PIP5K1B: variants seen among roughly 807,000 people sequenced by gnomAD.
The protein encoded by PIP5K1B is phosphatidylinositol-4-phosphate 5-kinase type 1 beta, also known as phosphatidylinositol 4-phosphate 5-kinase type-1 beta.
Under a neutral mutation model 67.0 loss-of-function variants are expected in PIP5K1B, and 42 were observed. The ratio of observed to expected loss-of-function variants is 0.63; its 90% CI spans 0.49 to 0.81. The LOEUF is 0.81. PIP5K1B is among the 30% of genes least tolerant of loss of function. The probability of loss-of-function intolerance (pLI) is 0.00; values close to 1 mark genes in which losing one functional copy is unlikely to be tolerated. For missense variants in PIP5K1B, 459 were observed against 646.3 expected (o/e 0.71, Z 3.14); for synonymous variants, 214 against 231.4 (o/e 0.92, Z 0.68).
chr9:68,961,103 G>A (rs951689966), intron 14 of PIP5K1B, among the ~76,000 whole-genome samples: 12 of 151,988 alleles, frequency 7.9e-5, no homozygotes, highest in African/African-American at 2.9e-4. Flanking sequence ...CCAGCTACTC[G>A]GGAGGCTGAG....
intron 2 of PIP5K1B, among the ~76,000 whole-genome samples, chr9:68,746,049 A>G (rs1345945065): frequency 6.8e-6 from 1 of 147,986 alleles, no homozygotes; most frequent in African/African-American, 2.5e-5. Flanking sequence ...TTCTTTCCCC[A>G]CATGTCTCTC....
chr9:68,968,101 A>G (rs1384757684), intron 14 of PIP5K1B, among the ~76,000 whole-genome samples: 1 of 152,174 alleles, frequency 6.6e-6, no homozygotes, highest in African/African-American at 2.4e-5. Flanking sequence ...TGTTAGTATA[A>G]CCTTGGGCAT....
intron 2 of PIP5K1B, among the ~76,000 whole-genome samples, chr9:68,750,166 A>G (rs1296445103): frequency 1.3e-5 from 2 of 152,232 alleles, no homozygotes; most frequent in African/African-American, 2.4e-5. Context: ...ACTGTTTTCC[A>G]TAGTTTCTGT....
intron 5 of PIP5K1B, among the ~76,000 whole-genome samples, chr9:68,871,186 G>A (rs1823611585): frequency 6.6e-6 from 1 of 152,228 alleles, no homozygotes; most frequent in South Asian, 2.1e-4. Context: ...TGGTGTGAAG[G>A]CCTCATGTGG....
intron 6 of PIP5K1B, among the ~76,000 whole-genome samples, chr9:68,887,982 T>C (rs1317176787): frequency 2.1e-5 from 3 of 146,000 alleles, no homozygotes. Flanking sequence ...ATCCAGCCTT[T>C]TTTTTTTTTT....
At chr9:68,784,180 C>T (rs182089968) in intron 2 of PIP5K1B, 4 of 167,194 alleles carry the variant, frequency 2.4e-5, no homozygotes, top group East Asian at 3.8e-4. Flanking sequence ...TTGTTCATAA[C>T]GTCCATCATT....
At chr9:68,735,818 A>G (rs1481293284) in intron 1 of PIP5K1B, among the ~76,000 whole-genome samples, 1 of 152,188 alleles carries the variant, frequency 6.6e-6, no homozygotes, top group Non-Finnish European at 1.5e-5. Context: ...AGAAAGCCCC[A>G]TTGCTAAGGT....
intron 4 of PIP5K1B, among the ~76,000 whole-genome samples, chr9:68,844,618 ATCTAATGGGGGAG>A (rs1822093034): frequency 1.3e-5 from 1 of 78,910 alleles, no homozygotes; most frequent in Non-Finnish European, 3.1e-5. Context: ...AATGGGGGAG[ATCTAATGGGGGAG>A]AGCCAAAGGT....
intron 1 of PIP5K1B, chr9:68,739,886 G>A (rs1022822159): frequency 1.3e-5 from 2 of 152,304 alleles, no homozygotes; most frequent in African/African-American, 4.8e-5. Context: ...CTGTCTGCCA[G>A]CCACAGGTAC....
At chr9:68,956,042 T>C (rs982388987) in intron 14 of PIP5K1B, among the ~76,000 whole-genome samples, 1 of 152,218 alleles carries the variant, frequency 6.6e-6, no homozygotes, top group Non-Finnish European at 1.5e-5. Flanking sequence ...GGTCATTGTG[T>C]ACCCAAACCT....
intron 7 of PIP5K1B, among the ~76,000 whole-genome samples, chr9:68,892,708 A>G (rs765849902): frequency 3.9e-5 from 6 of 152,244 alleles, no homozygotes; most frequent in Non-Finnish European, 8.8e-5. Flanking sequence ...TTTGTTAAAC[A>G]AAAAGCAAAA....
At chr9:68,827,218 T>C (rs542142713) in intron 4 of PIP5K1B, among the ~76,000 whole-genome samples, 17 of 152,144 alleles carry the variant, frequency 1.1e-4, no homozygotes, top group Non-Finnish European at 1.3e-4. Flanking sequence ...CTGGGGAAAG[T>C]AGTAGGCAGT....
chr9:68,857,192 T>G (rs1392034981), intron 4 of PIP5K1B, among the ~76,000 whole-genome samples: 1 of 152,242 alleles, frequency 6.6e-6, no homozygotes, highest in African/African-American at 2.4e-5. Context: ...TTAGGACTTC[T>G]GACCTCCAGA....
rs567158226 is a variant in PIP5K1B, at chr9:68,948,978, A to G, written c.1502+8188A>G. ...TTTTTTGAGGAATTCATGTGAGATA[A>G]TATTTCTGGGTACTTTTTGTGTGTT... is the stretch of plus-strand genomic sequence containing the variant. On this transcript the variant is annotated intron_variant, in intron 14 of 15. Coordinates refer to ENST00000265382, the MANE Select transcript of PIP5K1B (RefSeq NM_003558.4). Among the ~76,000 whole-genome samples the G allele has an allele frequency of 2.0e-5, 3 of 152,292 alleles. No individual in the cohort carries two copies. The South Asian group carries it at 6.2e-4, about 32-fold the overall frequency.
intron 14 of PIP5K1B, among the ~76,000 whole-genome samples, chr9:68,964,587 T>C (rs146588622): frequency 2.8e-4 from 42 of 152,314 alleles, no homozygotes; most frequent in African/African-American, 9.1e-4. Context: ...AGGCTGAGAA[T>C]TCTTCTCCCC....
intron 2 of PIP5K1B, among the ~76,000 whole-genome samples, chr9:68,812,078 G>T (rs1472528868): frequency 1.3e-5 from 2 of 152,196 alleles, no homozygotes; most frequent in Non-Finnish European, 2.9e-5. Context: ...ATGGTTGCTA[G>T]GTTCATTCAC....
intron 10 of PIP5K1B, 47 bp downstream of exon 10, chr9:68,919,609 C>A: frequency 7.1e-7 from 1 of 1,405,984 alleles, no homozygotes; most frequent in Non-Finnish European, 1.0e-6. Context: ...AATCAATCTA[C>A]AAAAGGTTCT....
At chr9:68,841,093 CT>C in intron 4 of PIP5K1B, among the ~76,000 whole-genome samples, 1 of 152,226 alleles carries the variant, frequency 6.6e-6, no homozygotes, top group South Asian at 2.1e-4. Flanking sequence ...TACTTCACTC[CT>C]TCCATAAAAT....
At chr9:68,998,860 G>A (rs1830699501) in intron 15 of PIP5K1B, among the ~76,000 whole-genome samples, 1 of 152,184 alleles carries the variant, frequency 6.6e-6, no homozygotes, top group African/African-American at 2.4e-5. Flanking sequence ...GTGATGAATG[G>A]CACGAGTAGG....
Sources: allele counts gnomAD v4.1 joint callset (sites outside exome capture counted in the v4.1 genomes callset), GRCh38; gene constraint gnomAD v4.1.1; transcripts MANE v1.5; gene names NCBI Gene and HGNC (gene_info 2026-07-23, HGNC 2026-07-21).